The following LOXL3 variants were observed in gnomAD, a reference collection of about 807,000 sequenced individuals.
The protein encoded by LOXL3 is lysyl oxidase like 3.
In LOXL3, 60 loss-of-function variants were observed where a neutral mutation model predicts 91.8. That is an observed-to-expected ratio of 0.65 (90% CI 0.53 to 0.81). The LOEUF (loss-of-function observed/expected upper bound fraction) is 0.81, where lower values mean the gene tolerates loss of function less well. Ranked by LOEUF, LOXL3 falls within the 30% of genes least tolerant of loss-of-function variation. The pLI is 0.00. For missense variants in LOXL3, 874 were observed against 1,000.4 expected (o/e 0.87, Z 1.70); for synonymous variants, 355 against 387.6 (o/e 0.92, Z 0.99).
At chr2:74,543,330 G>C (rs183850246) in intron 4 of LOXL3, among the ~76,000 whole-genome samples, 2 of 152,086 alleles carry the variant, frequency 1.3e-5, no homozygotes, top group East Asian at 3.9e-4. Context: ...TTCACACCTA[G>C]TGTATTCATA....
chr2:74,546,037 A>G (rs1558626137), intron 4 of LOXL3, among the ~76,000 whole-genome samples: 1 of 152,114 alleles, frequency 6.6e-6, no homozygotes, highest in South Asian at 2.1e-4. Context: ...GGTGAGGCCA[A>G]TTTCTTACTT....
intron 4 of LOXL3, among the ~76,000 whole-genome samples, chr2:74,546,202 C>T (rs375665638): frequency 2.6e-5 from 4 of 152,184 alleles, no homozygotes; most frequent in African/African-American, 7.2e-5. Flanking sequence ...ACTTTCTTTA[C>T]GTGGCTTTCA....
rs1295575185 is a variant in LOXL3, at chr2:74,535,875, G to A, written c.1249-120C>T. The A allele has an allele frequency of 1.4e-6, 2 of 1,477,290 alleles. No individual in the cohort carries two copies. Among genetic ancestry groups the A allele is most frequent in the African/African-American group, 2.8e-5 (2 of 71,006 alleles). 91.5% of individuals were successfully genotyped at this position (1,477,290 alleles called of 1,614,324 possible). A position where few individuals can be genotyped will look rare whatever the true frequency, so the allele number is the denominator to read the frequency against. On this transcript the variant is annotated intron_variant, in intron 7 of 13. Coordinates refer to ENST00000264094, the MANE Select transcript of LOXL3 (RefSeq NM_032603.5). The surrounding 1 kb of genome is among the most constrained non-coding windows in gnomAD (Gnocchi z 4.2). ...AATGGGCTAGCAAGTGATGGGTCAG[G>A]TGGGAGCTGCAGGAGGGCAGGGGCC...
chr2:74,550,139 C>A (rs779680225), intron 3 of LOXL3, 46 bp downstream of exon 3: 1 of 1,579,040 alleles, frequency 6.3e-7, no homozygotes, highest in South Asian at 1.2e-5. Flanking sequence ...ACAGTACTCT[C>A]GGCTATCCTG....
rs760605034 is a variant in LOXL3 at position 74,535,294 on chromosome 2, T to A, written c.1577A>T (p.Glu526Val). Residue 526 changes from glutamate (E) to valine (V), a missense_variant and splice_region_variant, in exon 9 of 14, where the codon GAG becomes GTG. Glu to Val is a moderately radical substitution (Grantham distance 121). Coordinates refer to ENST00000264094, the MANE Select transcript of LOXL3 (RefSeq NM_032603.5). The surrounding 1 kb of genome is among the most constrained non-coding windows in gnomAD (Gnocchi z 4.2). ...TRFTAGVICS[E>V]TASDLLLHSA... ...GCATCACCCCCTCCTTCACTCACTC[T>A]CAGAACAGATGACTCCAGCAGTGAA... 6.2e-7 allele frequency: 1 copy of A among 1,613,090 alleles called. No individual in the cohort carries two copies. Among genetic ancestry groups the A allele is most frequent in the Non-Finnish European group, 8.5e-7 (1 of 1,179,608 alleles).
chr2:74,541,940 A>T (rs1408392595), intron 4 of LOXL3, among the ~76,000 whole-genome samples: 2 of 152,088 alleles, frequency 1.3e-5, no homozygotes, highest in Non-Finnish European at 2.9e-5. Flanking sequence ...AAATTTCTTC[A>T]TTCACAGATG....
Position 74,534,334 on chromosome 2 carries a change from C to G in LOXL3, c.1921G>C (p.Asp641His). The stretch of plus-strand genomic sequence containing the variant: ...AACTCACCCTCCTGACACTCAGTGT[C>G]TTCGAGACAGAAACTAGCTTTGTGG... ...EGHKASFCLE[D>H]TECQEDVSKR... The change falls in exon 11 of 14, where the codon GAC (aspartate) becomes CAC (histidine). Residue 641 changes from aspartate (D) to histidine (H), a missense_variant. Transcript: ENST00000264094. 6.2e-7 allele frequency: 1 copy of G among 1,614,264 alleles called. No homozygotes were observed. Among genetic ancestry groups the G allele is most frequent in the Non-Finnish European group, 8.5e-7 (1 of 1,180,040 alleles).
intron 4 of LOXL3, among the ~76,000 whole-genome samples, chr2:74,540,690 C>A (rs1676276526): frequency 7.0e-6 from 1 of 143,694 alleles, no homozygotes; most frequent in African/African-American, 2.6e-5. Flanking sequence ...GTCTTTGAGA[C>A]AGGGTTACTC....
intron 4 of LOXL3, among the ~76,000 whole-genome samples, chr2:74,548,259 T>TA (rs1676727920): frequency 1.3e-5 from 2 of 152,250 alleles, no homozygotes; most frequent in Non-Finnish European, 2.9e-5. Flanking sequence ...ATGGCTTTTT[T>TA]ATGGCTTCTA....
intron 4 of LOXL3, among the ~76,000 whole-genome samples, chr2:74,540,339 G>A (rs761810153): frequency 9.9e-5 from 15 of 152,194 alleles, no homozygotes; most frequent in Non-Finnish European, 1.9e-4. Context: ...GGGGAGCATC[G>A]TTAGGATTGT....
In LOXL3 at chr2:74,549,780, C is replaced by G. The variant is rs1676880637; in HGVS notation, c.478-197G>C. 3 of 1,424,474 alleles carry G rather than the reference C, an allele frequency of 2.1e-6. No individual in the cohort carries two copies. In the South Asian group the frequency reaches 4.7e-5, roughly 22 times the overall value. 88.2% of individuals were successfully genotyped at this position (1,424,474 alleles called of 1,614,324 possible). ...TGCAGCCAGCAGCGCGTGGGATGTG[C>G]TGTGCTCCCAGAGAGGATTCAGGGC... On this transcript the variant is annotated intron_variant, in intron 3 of 13. Coordinates refer to ENST00000264094, the MANE Select transcript of LOXL3 (RefSeq NM_032603.5). This position sits in a 1 kb window ranked among gnomAD's most constrained non-coding sequence, Gnocchi z 5.3.
chr2:74,552,521 C>T lies in LOXL3; in HGVS notation c.114G>A (p.Gly38=). ...SPSTGPEKKA[G]SQGLRFRLAG... ...CCAGCCGGAACCGAAGCCCCTGGCT[C>T]CCGGCCTTCTTCTCAGGGCCCGTGG... Residue 38 remains glycine (G), a synonymous_variant, in exon 2 of 14, where the codon GGG becomes GGA. Coordinates refer to ENST00000264094, the MANE Select transcript of LOXL3 (RefSeq NM_032603.5). The T allele has an allele frequency of 1.9e-6, 3 of 1,613,448 alleles. No homozygotes were observed. Among genetic ancestry groups the T allele is most frequent in the Non-Finnish European group, 1.7e-6 (2 of 1,179,894 alleles).
At chr2:74,554,550 A>C, upstream of LOXL3, 2 of 568,414 alleles carry the variant, frequency 3.5e-6, no homozygotes, top group Non-Finnish European at 3.1e-6. The surrounding 1 kb of genome is among the most constrained non-coding windows in gnomAD (Gnocchi z 4.9). Context: ...GACGGCGGGT[A>C]GGGGCCTGGG....
chr2:74,542,037 AAT>A (rs1676352058), intron 4 of LOXL3, among the ~76,000 whole-genome samples: 1 of 151,648 alleles, frequency 6.6e-6, no homozygotes, highest in Non-Finnish European at 1.5e-5. Context: ...TTACGCCTGT[AAT>A]CCCAGCACTT....
In LOXL3 at chr2:74,536,374, T is replaced by C; in HGVS notation, c.1010A>G (p.Asp337Gly). The stretch of plus-strand genomic sequence containing the variant: ...ACACACCACGCTGGCTGCATGCAGG[T>C]CCCACTTGCGGTCACAGACTGTGCC... ...TWGTVCDRKW[D>G]LHAASVVCRE... The change falls in exon 6 of 14, where the codon GAC becomes GGC. Residue 337 changes from aspartate to glycine, a missense_variant. Coordinates refer to ENST00000264094, the MANE Select transcript of LOXL3 (RefSeq NM_032603.5). This position sits in a 1 kb window ranked among gnomAD's most constrained non-coding sequence, Gnocchi z 4.5. 1 of 1,614,070 alleles carries C rather than the reference T, an allele frequency of 6.2e-7. No individual in the cohort carries two copies. Among genetic ancestry groups the C allele is most frequent in the Non-Finnish European group, 8.5e-7 (1 of 1,180,016 alleles).
chr2:74,536,085 G>A lies in LOXL3; in HGVS notation c.1159C>T (p.Pro387Ser). The A allele has an allele frequency of 6.2e-7, 1 of 1,613,658 alleles. No homozygotes were observed. The change falls in exon 7 of 14, where the codon CCC becomes TCC. Residue 387 changes from proline to serine, a missense_variant. By Grantham distance (74) the Pro-to-Ser change is moderately conservative. Coordinates refer to ENST00000264094, the MANE Select transcript of LOXL3 (RefSeq NM_032603.5). The surrounding 1 kb of genome is among the most constrained non-coding windows in gnomAD (Gnocchi z 4.5). ...SGQELSLWKC[P>S]HKNITAEDCS... ...TCCTCAGCTGTGATGTTCTTGTGGG[G>A]GCACTTCCAGAGGGAGAGCTCCTGT...
chr2:74,535,966 A>T lies in LOXL3; in HGVS notation c.1248+30T>A. ...ACCAGACCTGGATAGGATGAAAGAG[A>T]CCTCAACCAAGGTAGAGAGGATGAC... On this transcript the variant is annotated intron_variant, in intron 7 of 13. Coordinates refer to ENST00000264094, the MANE Select transcript of LOXL3 (RefSeq NM_032603.5). The surrounding 1 kb of genome is among the most constrained non-coding windows in gnomAD (Gnocchi z 4.2). 6.5e-7 allele frequency: 1 copy of T among 1,537,440 alleles called. No individual in the cohort carries two copies. The highest frequency in any genetic ancestry group is 8.7e-7 in the Non-Finnish European group (1 of 1,147,614).
chr2:74,554,479 G>C, upstream of LOXL3: 1 of 525,802 alleles, frequency 1.9e-6, no homozygotes, highest in Non-Finnish European at 3.4e-6. This position sits in a 1 kb window ranked among gnomAD's most constrained non-coding sequence, Gnocchi z 4.9. Flanking sequence ...ACCACGCCCA[G>C]AGGCCAGGGC....
chr2:74,532,884 G>C lies in LOXL3; in HGVS notation c.*722C>G. The C allele has an allele frequency of 6.2e-7, 1 of 1,614,150 alleles. No individual in the cohort carries two copies. Among genetic ancestry groups the C allele is most frequent in the Non-Finnish European group, 8.5e-7 (1 of 1,180,026 alleles). On this transcript the variant is annotated 3_prime_UTR_variant, in exon 14 of 14. Transcript: ENST00000264094. Reference sequence around the variant, plus strand: ...GGAGCAGATGGTACAAAATGCTGAAGATGTTTATGAAGCTGTTCGAACCCA... The same window carrying C: ...GGAGCAGATGGTACAAAATGCTGAACATGTTTATGAAGCTGTTCGAACCCA...
Sources: gnomAD v4.1 joint callset for allele counts (sites outside exome capture counted in the v4.1 genomes callset) on GRCh38, gnomAD v4.1.1 for gene constraint, Gnocchi (gnomAD v3.1) non-coding constraint, MANE v1.5 for transcripts, NCBI Gene and HGNC (gene_info 2026-07-23, HGNC 2026-07-21) for gene names.